CIMIP6: variants seen among roughly 807,000 people sequenced by gnomAD.
The protein encoded by CIMIP6 is ciliary microtubule inner protein 6, also known as uncharacterized protein C2orf73.
the CIMIP6 span, among the ~76,000 whole-genome samples, chr2:54,332,825 G>A: frequency 1.3e-5 from 2 of 152,114 alleles, no homozygotes; most frequent in Non-Finnish European, 2.9e-5. Context: ...TAAATTAATT[G>A]ACCCCAAAGA....
chr2:54,346,344 G>T, the CIMIP6 span, among the ~76,000 whole-genome samples: 1 of 152,114 alleles, frequency 6.6e-6, no homozygotes, highest in East Asian at 1.9e-4. Context: ...CAGTGGGGGT[G>T]AAACAAGGAA....
At chr2:54,376,274 A>G in the CIMIP6 span, among the ~76,000 whole-genome samples, 18 of 151,800 alleles carry the variant, frequency 1.2e-4, no homozygotes, top group African/African-American at 3.9e-4. Flanking sequence ...CAACCCTCCC[A>G]AAGTGCTGAG....
chr2:54,376,653 C>T, the CIMIP6 span, among the ~76,000 whole-genome samples: 2 of 152,176 alleles, frequency 1.3e-5, no homozygotes, highest in Admixed American at 1.3e-4. Flanking sequence ...CTCATTGGTG[C>T]AGTGGGCTGG....
At chr2:54,374,274 T>C in the CIMIP6 span, among the ~76,000 whole-genome samples, 1 of 152,244 alleles carries the variant, frequency 6.6e-6, no homozygotes, top group African/African-American at 2.4e-5. Context: ...ATGGAAGTCT[T>C]TTTTTCTTTT....
At chr2:54,348,742 A>G in the CIMIP6 span, among the ~76,000 whole-genome samples, 1 of 152,376 alleles carries the variant, frequency 6.6e-6, no homozygotes, top group East Asian at 1.9e-4. Flanking sequence ...GCACATAAAC[A>G]TGCACTAATA....
At chr2:54,355,309 T>C in the CIMIP6 span, among the ~76,000 whole-genome samples, 70 of 151,946 alleles carry the variant, frequency 4.6e-4, no homozygotes, top group African/African-American at 1.6e-3. Context: ...TAGATGCGAG[T>C]TTTTCCTTTA....
chr2:54,381,326 G>A, the CIMIP6 span, among the ~76,000 whole-genome samples: 6 of 152,276 alleles, frequency 3.9e-5, no homozygotes, highest in East Asian at 7.7e-4. Flanking sequence ...AAATGATGTT[G>A]AGCGAGTTGT....
chr2:54,380,498 C>A, the CIMIP6 span, among the ~76,000 whole-genome samples: 1 of 152,132 alleles, frequency 6.6e-6, no homozygotes, highest in Non-Finnish European at 1.5e-5. Context: ...CAGGTTCCAG[C>A]TGATTGATAA....
At chr2:54,334,023 G>C in the CIMIP6 span, among the ~76,000 whole-genome samples, 3 of 152,316 alleles carry the variant, frequency 2.0e-5, no homozygotes, top group Admixed American at 6.5e-5. Context: ...TGAATTTGGA[G>C]TTTCATTGAC....
the CIMIP6 span, among the ~76,000 whole-genome samples, chr2:54,374,801 T>C: frequency 6.6e-6 from 1 of 152,228 alleles, no homozygotes; most frequent in African/African-American, 2.4e-5. Flanking sequence ...GAAATACACA[T>C]GTCAAGGCCC....
the CIMIP6 span, among the ~76,000 whole-genome samples, chr2:54,334,171 T>A: frequency 6.6e-6 from 1 of 152,202 alleles, no homozygotes. Flanking sequence ...TTCTCCTTAT[T>A]TGAAAGGAGA....
At chr2:54,358,031 ATTT>A in the CIMIP6 span, among the ~76,000 whole-genome samples, 53 of 152,226 alleles carry the variant, frequency 3.5e-4, no homozygotes, top group Non-Finnish European at 6.0e-4. Context: ...TTTAAAAATT[ATTT>A]AAGATGTTAA....
chr2:54,345,410 G>T, the CIMIP6 span, among the ~76,000 whole-genome samples: 1 of 152,142 alleles, frequency 6.6e-6, no homozygotes, highest in African/African-American at 2.4e-5. Context: ...CCTGTGCTTG[G>T]TAAGAATGAT....
the CIMIP6 span, among the ~76,000 whole-genome samples, chr2:54,336,610 GAA>G: frequency 6.6e-6 from 1 of 151,978 alleles, no homozygotes; most frequent in Non-Finnish European, 1.5e-5. Flanking sequence ...GTAAATGGGG[GAA>G]AAAAATCCTG....
At chr2:54,342,570 A>G in the CIMIP6 span, among the ~76,000 whole-genome samples, 1 of 149,592 alleles carries the variant, frequency 6.7e-6, no homozygotes, top group Non-Finnish European at 1.5e-5. Flanking sequence ...CTTTTTAGAA[A>G]CTAAGCTCAT....
chr2:54,375,606 G>T, the CIMIP6 span, among the ~76,000 whole-genome samples: 7 of 152,170 alleles, frequency 4.6e-5, no homozygotes, highest in African/African-American at 1.7e-4. Context: ...ACTCCTTGGT[G>T]TCTATGCTAC....
chr2:54,375,972 C>T, the CIMIP6 span, among the ~76,000 whole-genome samples: 1 of 151,876 alleles, frequency 6.6e-6, no homozygotes, highest in Admixed American at 6.6e-5. Flanking sequence ...GAAGCAACTC[C>T]CTTTTTTAGC....
chr2:54,353,430 G>C, the CIMIP6 span, among the ~76,000 whole-genome samples: 1 of 152,050 alleles, frequency 6.6e-6, no homozygotes. Flanking sequence ...TGGTATTTGT[G>C]AGACACTCCA....
chr2:54,341,758 T>C, the CIMIP6 span, among the ~76,000 whole-genome samples: 3 of 152,326 alleles, frequency 2.0e-5, no homozygotes, highest in South Asian at 2.1e-4. Context: ...GCCTGCCTCA[T>C]AGAATTGTGA....
Sources: gnomAD v4.1 joint callset for allele counts (sites outside exome capture counted in the v4.1 genomes callset) on GRCh38, gnomAD v4.1.1 for gene constraint, MANE v1.5 for transcripts, NCBI Gene and HGNC (gene_info 2026-07-23, HGNC 2026-07-21) for gene names.